The following PIEZO1 variants were observed in gnomAD, a reference collection of about 807,000 sequenced individuals.
PIEZO1 encodes the protein piezo-type mechanosensitive ion channel component 1.
In PIEZO1, 296 loss-of-function variants were observed where a neutral mutation model predicts 297.2. The observed-to-expected ratio is 1.00, with a 90% CI of 0.91 to 1.10. PIEZO1 has a LOEUF of 1.10. Among genes scored for constraint, PIEZO1 ranks in the 50% least tolerant of loss-of-function variants. The pLI is 0.00. For synonymous variants in PIEZO1, 2,427 were observed against 1,507.5 expected (o/e 1.61, Z -14.13); for missense variants, 5,018 against 3,455.5 (o/e 1.45, Z -11.34).
chr16:88,772,267 G>A (rs1304432599), intron 1 of PIEZO1, among the ~76,000 whole-genome samples: 2 of 152,260 alleles, frequency 1.3e-5, no homozygotes, highest in African/African-American at 2.4e-5. Flanking sequence ...CAGAAGGAGG[G>A]CCCAGAATCC....
At position 88,726,920 on chromosome 16, in the gene PIEZO1, T is replaced by C; in HGVS notation, c.3494A>G (p.Tyr1165Cys). Residue 1165 changes from tyrosine (Y) to cysteine (C), a missense_variant, in exon 25 of 51, where the codon TAC becomes TGC. Tyr to Cys is a radical substitution (Grantham distance 194). Coordinates refer to ENST00000301015, the MANE Select transcript of PIEZO1 (RefSeq NM_001142864.4). ...CACCACCAGCACCAGCCAGAACAGGTATCGGAAGACGGCCACCTTCAGCAT... is the reference window on the plus strand; with the variant it reads ...CACCACCAGCACCAGCCAGAACAGGCATCGGAAGACGGCCACCTTCAGCAT... ...LDMLKVAVFR[Y>C]LFWLVLVVVF... 1.3e-6 allele frequency: 2 copies of C among 1,550,224 alleles called. No individual in the cohort carries two copies. Among genetic ancestry groups the C allele is most frequent in the Middle Eastern group, 1.7e-4 (1 of 5,992 alleles).
intron 18 of PIEZO1, 46 bp from the exon 19 acceptor site, chr16:88,733,500 G>T (rs761494925): frequency 1.3e-6 from 2 of 1,533,708 alleles, no homozygotes; most frequent in Non-Finnish European, 1.8e-6. Flanking sequence ...AGGGCAGTGG[G>T]CACGTGGGGC....
Position 88,734,718 on chromosome 16 carries a change from G to A in PIEZO1, c.1929C>T (p.Ala643=), listed in dbSNP as rs1046715465. ...VVAYTMLVLI[A]VYTFQFQDFP... Reference sequence around the variant, plus strand: ...AGTCCTGGAACTGGAAGGTGTAGACGGCGATGAGGACCAGCATGGTGTAGG... The same window carrying A: ...AGTCCTGGAACTGGAAGGTGTAGACAGCGATGAGGACCAGCATGGTGTAGG... The change falls in exon 15 of 51, where the codon GCC becomes GCT. Residue 643 remains alanine, a synonymous_variant. Transcript: ENST00000301015. 2.0e-5 allele frequency: 31 copies of A among 1,550,126 alleles called. No individual in the cohort carries two copies. Among genetic ancestry groups the A allele is most frequent in the South Asian group, 9.5e-5 (8 of 84,060 alleles).
Position 88,726,745 on chromosome 16 carries a change from G to A in PIEZO1, c.3669C>T (p.Val1223=), listed in dbSNP as rs1243931098. ...GCATGTTCTTGGAGATGATGACGGTGACGTTGTACAGAATGAGGCAGTCCC... is the reference window on the plus strand; with the variant it reads ...GCATGTTCTTGGAGATGATGACGGTAACGTTGTACAGAATGAGGCAGTCCC... The part of the protein sequence containing the change: ...VLWDCLILYN[V]TVIISKNMLS... Residue 1223 remains valine, a synonymous_variant, in exon 25 of 51, where the codon GTC becomes GTT. Transcript: ENST00000301015. 1.3e-6 allele frequency: 2 copies of A among 1,550,112 alleles called. No homozygotes were observed. The highest frequency in any genetic ancestry group is 8.7e-7 in the Non-Finnish European group (1 of 1,146,806).
At chr16:88,764,387 C>G (rs1417797407) in intron 1 of PIEZO1, among the ~76,000 whole-genome samples, 2 of 152,170 alleles carry the variant, frequency 1.3e-5, no homozygotes, top group Admixed American at 6.5e-5. Flanking sequence ...TTCATCCAAA[C>G]CCAGGCGCCA....
chr16:88,742,433 G>C lies in PIEZO1; in HGVS notation c.161-11C>G, dbSNP rs746900933. 1 of 1,534,056 alleles carries C rather than the reference G, an allele frequency of 6.5e-7. No homozygotes were observed. The highest frequency in any genetic ancestry group is 8.7e-7 in the Non-Finnish European group (1 of 1,146,364). On this transcript the variant is annotated splice_polypyrimidine_tract_variant and intron_variant, in intron 2 of 50. Transcript: ENST00000301015. ...GGCGGCCTGTGTGACCTGCGGCAGAGCGAGTGGGTGAGGCTGGTCCCGGGG... is the reference window on the plus strand; with the variant it reads ...GGCGGCCTGTGTGACCTGCGGCAGACCGAGTGGGTGAGGCTGGTCCCGGGG...
intron 1 of PIEZO1, among the ~76,000 whole-genome samples, chr16:88,755,782 G>C (rs553670138): frequency 2.8e-4 from 42 of 152,342 alleles, no homozygotes; most frequent in African/African-American, 1.0e-3. Context: ...AAGAGCTGCA[G>C]AGCGGCCTCA....
intron 39 of PIEZO1, 53 bp from the exon 40 acceptor site, chr16:88,720,801 C>T (rs948469070): frequency 4.1e-6 from 6 of 1,447,498 alleles, no homozygotes; most frequent in Admixed American, 2.8e-5. Context: ...GGGCCTGGCT[C>T]ATGGCTCCTG....
At chr16:88,782,587 G>T (rs1907984306) in intron 1 of PIEZO1, among the ~76,000 whole-genome samples, 1 of 152,198 alleles carries the variant, frequency 6.6e-6, no homozygotes, top group Non-Finnish European at 1.5e-5. Context: ...GGCACCCCAG[G>T]ATGACTCAAA....
chr16:88,719,678 C>G lies in PIEZO1; in HGVS notation c.6367G>C (p.Asp2123His). ...AGCGTGGTGTCCGTCCACACCCAGT[C>G]CATCACTGCCCGCAGCTCCACCAGG... is the stretch of plus-strand genomic sequence containing the variant. ...PFLVELRAVM[D>H]WVWTDTTLSL... Residue 2123 changes from aspartate (D) to histidine (H), a missense_variant, in exon 44 of 51, where the codon GAC becomes CAC. Physicochemically the swap from Asp to His is moderately conservative, Grantham distance 81. Coordinates refer to ENST00000301015, the MANE Select transcript of PIEZO1 (RefSeq NM_001142864.4). 1.3e-6 allele frequency: 2 copies of G among 1,553,130 alleles called. No individual in the cohort carries two copies. The highest frequency in any genetic ancestry group is 1.7e-6 in the Non-Finnish European group (2 of 1,148,496).
At chr16:88,780,350 A>G (rs1306834272) in intron 1 of PIEZO1, among the ~76,000 whole-genome samples, 1 of 152,168 alleles carries the variant, frequency 6.6e-6, no homozygotes, top group Non-Finnish European at 1.5e-5. Flanking sequence ...TCAAAGGTCA[A>G]GAGCAGGACA....
chr16:88,727,320 G>T, intron 23 of PIEZO1, 128 bp from the exon 24 acceptor site: 1 of 1,117,428 alleles, frequency 8.9e-7, no homozygotes, highest in South Asian at 1.6e-5. Flanking sequence ...ACGTCTGCCT[G>T]GGTGAGTGGC....
Position 88,722,925 on chromosome 16 carries a change from C to T in PIEZO1, c.4580G>A (p.Arg1527His), listed in dbSNP as rs148870219. The T allele has an allele frequency of 2.0e-3, 3,084 of 1,548,434 alleles. 11 individuals are homozygous for T. Among genetic ancestry groups the T allele is most frequent in the Non-Finnish European group, 1.8e-3 (2,105 of 1,146,426 alleles). The change falls in exon 34 of 51, where the codon CGC becomes CAC. Residue 1527 changes from arginine (R) to histidine (H), a missense_variant. Arg to His is a conservative substitution (Grantham distance 29). Transcript: ENST00000301015. Reference sequence around the variant, plus strand: ...GTGCCGGGTGAACTCCTGCAGCCAGCGTGTCAGCTCATCCACTAGCGCCTG... The same window carrying T: ...GTGCCGGGTGAACTCCTGCAGCCAGTGTGTCAGCTCATCCACTAGCGCCTG... ...LGQALVDELT[R>H]WLQEFTRHHG...
In PIEZO1 at chr16:88,734,380, G is replaced by A. The variant is rs1452118079; in HGVS notation, c.2156C>T (p.Thr719Met). Residue 719 changes from threonine (T) to methionine (M), a missense_variant, in exon 16 of 51, where the codon ACG (threonine) becomes ATG (methionine). Physicochemically the swap from Thr to Met is moderately conservative, Grantham distance 81 (BLOSUM62 -1). Transcript: ENST00000301015. ...TDMEHVSLPG[T>M]RLPRWAHRQD... Reference sequence around the variant, plus strand: ...CCTGTGAGCCCAGCGCGGGAGGCGCGTGCCAGGCAGGGACACGTGCTCCAT... The same window carrying A: ...CCTGTGAGCCCAGCGCGGGAGGCGCATGCCAGGCAGGGACACGTGCTCCAT... 48 of 1,544,404 alleles carry A rather than the reference G, an allele frequency of 3.1e-5. No homozygotes were observed. In the Middle Eastern group the frequency reaches 5.2e-4, roughly 17 times the overall value.
chr16:88,752,373 T>G (rs1906432651), intron 1 of PIEZO1, among the ~76,000 whole-genome samples: 1 of 152,068 alleles, frequency 6.6e-6, no homozygotes, highest in African/African-American at 2.4e-5. Flanking sequence ...TCCCAGCTAC[T>G]CAGGAGGCTG....
At chr16:88,722,719 G>A in intron 34 of PIEZO1, 30 bp from the exon 35 acceptor site, 2 of 1,532,572 alleles carry the variant, frequency 1.3e-6, no homozygotes, top group Non-Finnish European at 1.8e-6. Context: ...GCTCAGGGCT[G>A]CGTCCAGCTC....
At chr16:88,779,184 G>A (rs1056173917) in intron 1 of PIEZO1, among the ~76,000 whole-genome samples, 11 of 151,944 alleles carry the variant, frequency 7.2e-5, no homozygotes, top group African/African-American at 2.2e-4. Flanking sequence ...GAATACAGGT[G>A]CCCGCCACCA....
chr16:88,722,086 T>A lies in PIEZO1; in HGVS notation c.4956-20A>T. 1 of 1,539,870 alleles carries A rather than the reference T, an allele frequency of 6.5e-7. No individual in the cohort carries two copies. Among genetic ancestry groups the A allele is most frequent in the Non-Finnish European group, 8.8e-7 (1 of 1,142,290 alleles). The stretch of plus-strand genomic sequence containing the variant: ...AGGCGCCTACAGGGAGACCCGCGTG[T>A]TTGGGGGAGTCTGGGACTGCCCGAA... On this transcript the variant is annotated intron_variant, in intron 36 of 50. Coordinates refer to ENST00000301015, the MANE Select transcript of PIEZO1 (RefSeq NM_001142864.4).
Position 88,721,708 on chromosome 16 carries a change from A to G in PIEZO1, c.5233T>C (p.Tyr1745His). The G allele has an allele frequency of 6.5e-7, 1 of 1,545,962 alleles. No homozygotes were observed. Among genetic ancestry groups the G allele is most frequent in the Non-Finnish European group, 8.7e-7 (1 of 1,145,066 alleles). Residue 1745 changes from tyrosine to histidine, a missense_variant, in exon 38 of 51, where the codon TAC becomes CAC. Physicochemically the swap from Tyr to His is moderately conservative, Grantham distance 83. Transcript: ENST00000301015. ...VFTEIAVVVKYLFQFGFFPWN... is the reference protein window; with the variant it reads ...VFTEIAVVVKHLFQFGFFPWN... The stretch of plus-strand genomic sequence containing the variant: ...GGGAAGAACCCAAACTGGAACAGGT[A>G]CTTGACGACCACCGCGATCTGTGGG...
Sources: allele counts gnomAD v4.1 joint callset (sites outside exome capture counted in the v4.1 genomes callset), GRCh38; gene constraint gnomAD v4.1.1; transcripts MANE v1.5; gene names NCBI Gene and HGNC (gene_info 2026-07-23, HGNC 2026-07-21).